The following MYO15B variants were observed in gnomAD, a reference collection of about 807,000 sequenced individuals.
MYO15B encodes the protein myosin XVB, also known as myosin XVB pseudogene.
Under a neutral mutation model 119.3 loss-of-function variants are expected in MYO15B, and 207 were observed. The ratio of observed to expected loss-of-function variants is 1.73; its 90% confidence interval spans 1.55 to 1.95. The LOEUF (loss-of-function observed/expected upper bound fraction) is 1.95, where lower values mean the gene tolerates loss of function less well. Ranked by LOEUF, MYO15B falls within the 30% of genes most tolerant of loss-of-function variation. The pLI, the probability that MYO15B is intolerant of heterozygous loss-of-function variation, is 0.00. For synonymous variants in MYO15B, 966 were observed against 498.9 expected (o/e 1.94, Z -12.48); for missense variants, 2,264 against 1,203.1 (o/e 1.88, Z -13.04).
rs113704558 is a variant in MYO15B at position 75,607,188 on chromosome 17, G to A, written c.4292+1167G>A. The A allele has an allele frequency of 1.9e-3, 707 of 379,296 alleles. 9 individuals carry two copies. Among genetic ancestry groups the A allele is most frequent in the African/African-American group, 0.013 (617 of 48,216 alleles). The allele number at this position is 379,296 out of a possible 1,614,324, so 23.5% of individuals were successfully genotyped here. ...TCTATTTCCAACACGTTTTCATCCC[G>A]CAAACAGAAACTCTGGACCCATTAA... On this transcript the variant is annotated intron_variant, in intron 21 of 63. Transcript: ENST00000645453.
chr17:75,622,747 T>C (rs577965191), intron 53 of MYO15B, among the ~76,000 whole-genome samples: 3 of 151,794 alleles, frequency 2.0e-5, no homozygotes, highest in African/African-American at 7.3e-5. Flanking sequence ...GCCAGCAGAG[T>C]GTGCTGACCA....
chr17:75,615,586 C>G (rs374729566), exon 35 of MYO15B: 1 of 700,708 alleles, frequency 1.4e-6, no homozygotes, highest in South Asian at 1.5e-5. Flanking sequence ...TATCCAGCAG[C>G]AGGCGCTAAT....
chr17:75,604,420 A>G (rs1329224911), intron 19 of MYO15B, among the ~76,000 whole-genome samples: 1 of 151,636 alleles, frequency 6.6e-6, no homozygotes, highest in East Asian at 1.9e-4. Context: ...TGGTACCACC[A>G]TCTGGACCTG....
intron 54 of MYO15B, 38 bp from the exon 55 acceptor site, chr17:75,623,911 G>A: frequency 1.4e-6 from 1 of 702,868 alleles, no homozygotes. Context: ...GGGCACTGTG[G>A]CCTGGCCAGC....
In MYO15B at chr17:75,625,246, G is replaced by A. The variant is rs1568239838; in HGVS notation, c.8804+8G>A. On this transcript the variant is annotated splice_region_variant and intron_variant, in intron 60 of 63. Transcript: ENST00000645453. ...CAGGAATACCCCCTCAGGGTGAGTG[G>A]AGGCACCTCCCGCCCCTAAGCCCCT... The A allele has an allele frequency of 2.9e-6, 2 of 695,550 alleles. No homozygotes were observed. Among genetic ancestry groups the A allele is most frequent in the Non-Finnish European group, 5.3e-6 (2 of 380,442 alleles). The allele number at this position is 695,550 out of a possible 1,614,324, so 43.1% of individuals were successfully genotyped here.
At chr17:75,626,336 G>C (rs1490525135) in intron 63 of MYO15B, 71 bp from the exon 64 acceptor site, 2 of 701,352 alleles carry the variant, frequency 2.9e-6, no homozygotes, top group East Asian at 5.4e-5. Context: ...CTGCTCCGGA[G>C]TGCTGTGGGC....
chr17:75,601,865 T>A (rs535631581), intron 15 of MYO15B, among the ~76,000 whole-genome samples: 1 of 152,334 alleles, frequency 6.6e-6, no homozygotes, highest in East Asian at 1.9e-4. Context: ...TTTCCTCACC[T>A]GTAAAATGGG....
At chr17:75,621,279 C>T (rs1363987249) in intron 50 of MYO15B, 66 bp from the exon 51 acceptor site, 3 of 665,634 alleles carry the variant, frequency 4.5e-6, no homozygotes, top group Non-Finnish European at 8.3e-6. Context: ...ACTCTCCCTG[C>T]CTGGCTGGCT....
intron 53 of MYO15B, among the ~76,000 whole-genome samples, chr17:75,622,785 CA>C (rs924210801): frequency 6.6e-6 from 1 of 152,130 alleles, no homozygotes; most frequent in Non-Finnish European, 1.5e-5. Context: ...GGAAGGAGGA[CA>C]ACTACTGTCT....
At chr17:75,616,404 G>C (rs1171028250) in exon 38 of MYO15B, 2 of 625,040 alleles carry the variant, frequency 3.2e-6, no homozygotes, top group South Asian at 1.9e-5. Context: ...GGAGGAGGAG[G>C]AGGAGGAGGA....
chr17:75,611,776 T>TGG, intron 24 of MYO15B, 110 bp from the exon 25 acceptor site: 1 of 693,024 alleles, frequency 1.4e-6, no homozygotes, highest in Admixed American at 2.0e-5. Context: ...GCTCATCACT[T>TGG]GGGTCCCTGT....
chr17:75,620,263 C>T (rs767754299), exon 48 of MYO15B: 7 of 702,492 alleles, frequency 1.0e-5, no homozygotes, highest in African/African-American at 3.5e-5. Context: ...GCTATGTCAT[C>T]GCCCTGCGCA....
chr17:75,614,168 C>G (rs764800642), intron 29 of MYO15B, 31 bp from the exon 30 acceptor site: 1 of 699,188 alleles, frequency 1.4e-6, no homozygotes, highest in South Asian at 1.5e-5. Flanking sequence ...GGATGGCCGC[C>G]TGCCTCACTG....
exon 59 of MYO15B, chr17:75,624,826 C>T: frequency 1.4e-6 from 1 of 703,026 alleles, no homozygotes; most frequent in East Asian, 2.7e-5. Context: ...TGGTAGTGGA[C>T]CAGGACGTGA....
At position 75,613,259 on chromosome 17, in the gene MYO15B, C is replaced by T. The variant is rs1184270515; in HGVS notation, c.4968-34C>T. 3 of 671,752 alleles carry T rather than the reference C, an allele frequency of 4.5e-6. No individual in the cohort carries two copies. In the African/African-American group the frequency reaches 5.3e-5, roughly 12 times the overall value. 41.6% of individuals were successfully genotyped at this position (671,752 alleles called of 1,614,324 possible). A position where few individuals can be genotyped will look rare whatever the true frequency, so the allele number is the denominator to read the frequency against. On this transcript the variant is annotated intron_variant, in intron 27 of 63. Coordinates refer to ENST00000645453, the Ensembl canonical transcript of MYO15B. ...CTGGCAGGTGGGGTCGCTGGATCAC[C>T]CTGCCTCCACTGCAGCCTGTGCCCG...
At chr17:75,600,587 CTTTTTTT>C (rs780390678) in intron 14 of MYO15B, 2 of 121,776 alleles carry the variant, frequency 1.6e-5, no homozygotes, top group South Asian at 5.6e-4. Context: ...TTTTTCTTTT[CTTTTTTT>C]TTTTTTTTGA....
At chr17:75,602,915 C>A (rs937349029) in exon 17 of MYO15B, 6 of 690,264 alleles carry the variant, frequency 8.7e-6, no homozygotes, top group African/African-American at 3.5e-5. Flanking sequence ...TTCCAGCAGG[C>A]CCTGGAGGAC....
At chr17:75,614,133 C>T in intron 29 of MYO15B, 66 bp from the exon 30 acceptor site, 2 of 681,500 alleles carry the variant, frequency 2.9e-6, no homozygotes, top group Admixed American at 2.0e-5. Context: ...CCCCTTGGCC[C>T]ACCCTGTGGT....
chr17:75,614,182 G>A lies in MYO15B; in HGVS notation c.5220-17G>A, dbSNP rs767900667. On this transcript the variant is annotated splice_polypyrimidine_tract_variant and intron_variant, in intron 29 of 63. Transcript: ENST00000645453. Reference sequence around the variant, plus strand: ...TGGATGGCCGCCTGCCTCACTGACTGGTCCCCTCCCACCCAGAGGCCTGGA... The same window carrying A: ...TGGATGGCCGCCTGCCTCACTGACTAGTCCCCTCCCACCCAGAGGCCTGGA... 1.0e-3 allele frequency: 713 copies of A among 700,972 alleles called. 1 individual carries two copies. The highest frequency in any genetic ancestry group is 1.5e-3 in the Admixed American group (75 of 49,936). 43.4% of individuals were successfully genotyped at this position (700,972 alleles called of 1,614,324 possible).
Sources: gnomAD v4.1 joint callset for allele counts (sites outside exome capture counted in the v4.1 genomes callset) on GRCh38, gnomAD v4.1.1 for gene constraint, MANE v1.5 for transcripts, NCBI Gene and HGNC (gene_info 2026-07-23, HGNC 2026-07-21) for gene names.